The following FAF1 variants were observed in gnomAD, a reference collection of about 807,000 sequenced individuals.
FAF1 encodes the protein FAS-associated factor 1.
Under a neutral mutation model 92.5 loss-of-function variants are expected in FAF1, and 25 were observed. That is an observed-to-expected ratio of 0.27 (90% CI 0.20 to 0.38). FAF1 has a LOEUF of 0.38. FAF1 is among the 10% of genes least tolerant of loss of function. FAF1 has a pLI of 1.00. For missense variants in FAF1, 636 were observed against 793.3 expected (o/e 0.80, Z 2.38); for synonymous variants, 234 against 273.2 (o/e 0.86, Z 1.42).
chr1:50,538,478 G>A (rs1648603493), intron 14 of FAF1, among the ~76,000 whole-genome samples: 1 of 149,566 alleles, frequency 6.7e-6, no homozygotes, highest in South Asian at 2.1e-4. Context: ...GCTTTGATTC[G>A]TGCTAAGGTG....
chr1:50,873,975 T>A (rs901733268), intron 1 of FAF1, among the ~76,000 whole-genome samples: 3 of 152,148 alleles, frequency 2.0e-5, no homozygotes, highest in African/African-American at 7.2e-5. Flanking sequence ...AGTATCTACA[T>A]CCAGTTGAGA....
At chr1:50,615,724 T>C (rs943295124) in intron 8 of FAF1, among the ~76,000 whole-genome samples, 1 of 152,160 alleles carries the variant, frequency 6.6e-6, no homozygotes, top group Non-Finnish European at 1.5e-5. Context: ...TTCTGCTTGT[T>C]TGTTTCAGTT....
chr1:50,557,350 T>C (rs1056576691), intron 13 of FAF1, among the ~76,000 whole-genome samples: 3 of 152,202 alleles, frequency 2.0e-5, no homozygotes, highest in African/African-American at 7.2e-5. Context: ...CTGTTTTGAA[T>C]AATACAAAAC....
chr1:50,514,583 AAC>A (rs1362275685), intron 15 of FAF1, among the ~76,000 whole-genome samples: 1 of 152,212 alleles, frequency 6.6e-6, no homozygotes, highest in East Asian at 1.9e-4. Flanking sequence ...GGACTATAAA[AAC>A]AGAGATGAAT....
chr1:50,636,029 C>A (rs1324511713), intron 8 of FAF1, among the ~76,000 whole-genome samples: 1 of 152,014 alleles, frequency 6.6e-6, no homozygotes, highest in Non-Finnish European at 1.5e-5. Flanking sequence ...TAAGAAATGG[C>A]ATGGTACAAG....
intron 4 of FAF1, among the ~76,000 whole-genome samples, chr1:50,771,211 G>C (rs192701284): frequency 6.6e-6 from 1 of 152,186 alleles, no homozygotes; most frequent in East Asian, 1.9e-4. Context: ...TCATAACAAA[G>C]ACATCAAAAG....
intron 2 of FAF1, among the ~76,000 whole-genome samples, chr1:50,842,771 C>T (rs1443164980): frequency 1.3e-5 from 2 of 152,142 alleles, no homozygotes; most frequent in Admixed American, 1.3e-4. Flanking sequence ...AAATAACCCC[C>T]TCTATATCTT....
chr1:50,686,525 A>G (rs1423470589), intron 7 of FAF1, among the ~76,000 whole-genome samples: 9 of 145,228 alleles, frequency 6.2e-5, no homozygotes, highest in Non-Finnish European at 9.1e-5. Context: ...CTGGGCAACA[A>G]GAGCGAAACT....
chr1:50,812,331 A>C (rs1414667410), intron 2 of FAF1, among the ~76,000 whole-genome samples: 1 of 152,220 alleles, frequency 6.6e-6, no homozygotes, highest in Non-Finnish European at 1.5e-5. Context: ...GTATCCAAAA[A>C]AGGTCTAATA....
At chr1:50,592,887 A>T (rs1290718667) in intron 9 of FAF1, among the ~76,000 whole-genome samples, 2 of 151,918 alleles carry the variant, frequency 1.3e-5, no homozygotes, top group East Asian at 3.9e-4. Context: ...GCAGTGAGCT[A>T]AGATTGTGCC....
chr1:50,506,925 T>C (rs763560943), intron 15 of FAF1, among the ~76,000 whole-genome samples: 1 of 152,186 alleles, frequency 6.6e-6, no homozygotes, highest in African/African-American at 2.4e-5. Context: ...TTCTTCTTCC[T>C]GCCATTACTG....
chr1:50,555,481 T>C (rs1046422829), intron 13 of FAF1, among the ~76,000 whole-genome samples: 1 of 152,000 alleles, frequency 6.6e-6, no homozygotes, highest in Non-Finnish European at 1.5e-5. Context: ...AAAGAAGATG[T>C]ACAAATGGCC....
chr1:50,925,027 A>C (rs892325387), intron 1 of FAF1, among the ~76,000 whole-genome samples: 8 of 152,354 alleles, frequency 5.3e-5, no homozygotes, highest in African/African-American at 1.9e-4. Context: ...CCAACAGAAC[A>C]GAGAACCTTG....
chr1:50,599,948 C>T (rs1374682963), intron 8 of FAF1, among the ~76,000 whole-genome samples: 1 of 152,124 alleles, frequency 6.6e-6, no homozygotes, highest in Non-Finnish European at 1.5e-5. Context: ...TCTAAAAATC[C>T]AAAATCTGAA....
chr1:50,497,368 A>T (rs1222921710), intron 15 of FAF1, among the ~76,000 whole-genome samples: 1 of 151,740 alleles, frequency 6.6e-6, no homozygotes, highest in East Asian at 1.9e-4. Context: ...AACATATAAA[A>T]CCTGAAAAAA....
chr1:50,585,199 T>C (rs1651167991), intron 9 of FAF1, among the ~76,000 whole-genome samples: 1 of 152,186 alleles, frequency 6.6e-6, no homozygotes, highest in African/African-American at 2.4e-5. Flanking sequence ...ATTTGGCAGG[T>C]GGAGGCAATG....
chr1:50,916,655 TGAAAG>T (rs1468578470), intron 1 of FAF1, among the ~76,000 whole-genome samples: 1 of 152,002 alleles, frequency 6.6e-6, no homozygotes, highest in African/African-American at 2.4e-5. Context: ...TCTTGACAAA[TGAAAG>T]GAGAGGAGCA....
chr1:50,610,046 T>C (rs1652617161), intron 8 of FAF1, among the ~76,000 whole-genome samples: 2 of 152,178 alleles, frequency 1.3e-5, no homozygotes, highest in African/African-American at 2.4e-5. Flanking sequence ...AATTAAAGTA[T>C]ACTTTTAAAA....
chr1:50,744,844 GC>G, intron 4 of FAF1, 69 bp from the exon 5 acceptor site: 8 of 874,320 alleles, frequency 9.1e-6, no homozygotes, highest in Non-Finnish European at 1.5e-5. Flanking sequence ...CATATCCAGA[GC>G]TAACACTAAT....
Sources: allele counts gnomAD v4.1 joint callset (sites outside exome capture counted in the v4.1 genomes callset), GRCh38; gene constraint gnomAD v4.1.1; transcripts MANE v1.5; gene names NCBI Gene and HGNC (gene_info 2026-07-23, HGNC 2026-07-21).